The following ULK4 variants were observed in gnomAD, a reference collection of about 807,000 sequenced individuals.
ULK4 encodes unc-51 like kinase 4.
A neutral mutation model predicts 160.6 loss-of-function variants in ULK4; 133 were observed. The observed-to-expected ratio is 0.83, with a 90% CI of 0.72 to 0.96. ULK4 has a LOEUF of 0.96. Ranked by LOEUF, ULK4 falls within the 40% of genes least tolerant of loss-of-function variation. ULK4 has a pLI of 0.00. For synonymous variants in ULK4, 534 were observed against 539.8 expected (o/e 0.99, Z 0.15); for missense variants, 1,580 against 1,499.5 (o/e 1.05, Z -0.89).
chr3:41,320,192 T>C lies in ULK4; in HGVS notation c.3679-70618A>G, dbSNP rs114127645. On this transcript the variant is annotated intron_variant, in intron 35 of 36. Transcript: ENST00000301831. ...CTTTGAGCTTCTGTTTCCCCAACTATAGATTTCTCAGGAGGATGAAGGGTA... is the reference window on the plus strand; with the variant it reads ...CTTTGAGCTTCTGTTTCCCCAACTACAGATTTCTCAGGAGGATGAAGGGTA... Among the ~76,000 whole-genome samples the C allele has an allele frequency of 4.8e-3, 728 of 152,206 alleles. 4 individuals are homozygous for C. The highest frequency in any genetic ancestry group is 0.017 in the African/African-American group (706 of 41,524).
chr3:41,940,392 T>TG (rs1699913920), intron 2 of ULK4, among the ~76,000 whole-genome samples: 1 of 152,190 alleles, frequency 6.6e-6, no homozygotes, highest in South Asian at 2.1e-4. Context: ...CCTCAGTGAT[T>TG]GGTTTTCTGA....
chr3:41,453,162 C>A lies in ULK4; in HGVS notation c.3492+2335G>T, dbSNP rs149188609. Among the ~76,000 whole-genome samples the A allele has an allele frequency of 6.5e-3, 988 of 152,108 alleles. 4 individuals carry two copies. The highest frequency in any genetic ancestry group is 0.014 in the Middle Eastern group (4 of 294). On this transcript the variant is annotated intron_variant, in intron 34 of 36. Coordinates refer to ENST00000301831, the MANE Select transcript of ULK4 (RefSeq NM_017886.4). ...GCACTGGTTAACAGTGGTGAAATTG[C>A]GTTTTTTTGTTTTTTGTTTTTTTGA...
intron 32 of ULK4, among the ~76,000 whole-genome samples, chr3:41,547,950 C>T (rs1019292518): frequency 6.6e-6 from 1 of 152,174 alleles, no homozygotes; most frequent in African/African-American, 2.4e-5. Flanking sequence ...TGCCTGCTGC[C>T]TGGGGATGCT....
chr3:41,648,717 T>C (rs1474863042), intron 30 of ULK4, among the ~76,000 whole-genome samples: 1 of 152,132 alleles, frequency 6.6e-6, no homozygotes, highest in Non-Finnish European at 1.5e-5. Flanking sequence ...TTAGGGAATG[T>C]TGAGGGAGGA....
intron 3 of ULK4, among the ~76,000 whole-genome samples, chr3:41,937,668 T>C (rs1699823960): frequency 6.6e-6 from 1 of 152,156 alleles, no homozygotes; most frequent in Non-Finnish European, 1.5e-5. Flanking sequence ...AGCTATAACT[T>C]GTTATCTCTA....
chr3:41,410,533 C>T (rs922826373), intron 34 of ULK4, among the ~76,000 whole-genome samples: 26 of 152,162 alleles, frequency 1.7e-4, no homozygotes, highest in Admixed American at 3.9e-4. Context: ...TGGGGAATGA[C>T]TTTTAATGAG....
At chr3:41,765,579 T>C (rs1225979493) in intron 21 of ULK4, among the ~76,000 whole-genome samples, 1 of 152,042 alleles carries the variant, frequency 6.6e-6, no homozygotes, top group African/African-American at 2.4e-5. Flanking sequence ...AGGAAAACTG[T>C]TGTGGAAAAG....
rs1276467972 is a variant in ULK4, at chr3:41,498,586, T to C, written c.3227-35333A>G. On this transcript the variant is annotated intron_variant, in intron 32 of 36. Coordinates refer to ENST00000301831, the MANE Select transcript of ULK4 (RefSeq NM_017886.4). ...CTTCTTCTTTTTTTTCTTTTTTTTT[T>C]TTTTGCTTTGTTTTTTGTTTTGTTT... Among the ~76,000 whole-genome samples the C allele has an allele frequency of 6.6e-5, 10 of 151,728 alleles. No homozygotes were observed. The South Asian group carries it at 8.3e-4, about 13-fold the overall frequency.
intron 18 of ULK4, among the ~76,000 whole-genome samples, chr3:41,829,702 T>C (rs2041501724): frequency 6.6e-6 from 1 of 152,108 alleles, no homozygotes; most frequent in Non-Finnish European, 1.5e-5. Context: ...TTGGTGGGAC[T>C]GTAAACTAGT....
At chr3:41,710,268 G>A (rs1042619887) in intron 25 of ULK4, among the ~76,000 whole-genome samples, 3 of 151,662 alleles carry the variant, frequency 2.0e-5, no homozygotes, top group Non-Finnish European at 4.4e-5. Context: ...AATATTTTTT[G>A]ATATATTTCT....
In ULK4 at chr3:41,558,766, G is replaced by A. The variant is rs149658801; in HGVS notation, c.3226+7259C>T. On this transcript the variant is annotated intron_variant, in intron 32 of 36. Transcript: ENST00000301831. ...AATAGAACTCTAAATTCTTCGGTGG[G>A]CGGGGGGAAATTAGAACAGTGACTT... 5.7e-3 allele frequency among the ~76,000 whole-genome samples: 867 copies of A among 151,610 alleles called. 6 individuals are homozygous for A. The highest frequency in any genetic ancestry group is 0.014 in the Middle Eastern group (4 of 290).
At chr3:41,383,555 T>C (rs2081725197) in intron 35 of ULK4, among the ~76,000 whole-genome samples, 1 of 152,224 alleles carries the variant, frequency 6.6e-6, no homozygotes, top group African/African-American at 2.4e-5. Flanking sequence ...ACGGTTAAGT[T>C]GGTGATGGTC....
chr3:41,637,817 C>G (rs1320173639), intron 30 of ULK4, among the ~76,000 whole-genome samples: 6 of 152,164 alleles, frequency 3.9e-5, no homozygotes, highest in African/African-American at 7.2e-5. Flanking sequence ...CTTCATAGAT[C>G]TGTTGGTTAT....
At chr3:41,443,206 G>A (rs1281958660) in intron 34 of ULK4, among the ~76,000 whole-genome samples, 1 of 152,182 alleles carries the variant, frequency 6.6e-6, no homozygotes, top group Non-Finnish European at 1.5e-5. Flanking sequence ...TCAAATGGTA[G>A]TAGTTTCAAT....
At chr3:41,651,534 T>C (rs1216622725) in intron 30 of ULK4, among the ~76,000 whole-genome samples, 1 of 152,210 alleles carries the variant, frequency 6.6e-6, no homozygotes, top group Non-Finnish European at 1.5e-5. Flanking sequence ...TCAGTGAATA[T>C]AACTAGTTGT....
intron 29 of ULK4, 98 bp downstream of exon 29, chr3:41,681,410 G>C: frequency 6.6e-7 from 1 of 1,510,434 alleles, no homozygotes; most frequent in Non-Finnish European, 9.0e-7. Context: ...ATAAACATAA[G>C]GACATCAAGA....
intron 32 of ULK4, among the ~76,000 whole-genome samples, chr3:41,525,009 T>A (rs2086064979): frequency 6.6e-6 from 1 of 152,000 alleles, no homozygotes; most frequent in Admixed American, 6.6e-5. Flanking sequence ...ATAAAGACGG[T>A]TAACCAAACT....
chr3:41,646,925 C>G (rs1488797928), intron 30 of ULK4, among the ~76,000 whole-genome samples: 1 of 152,178 alleles, frequency 6.6e-6, no homozygotes, highest in Admixed American at 6.5e-5. Context: ...CTTCCCTTCT[C>G]GCTTCATTTC....
intron 32 of ULK4, among the ~76,000 whole-genome samples, chr3:41,500,730 G>A (rs1217666931): frequency 6.6e-6 from 1 of 152,148 alleles, no homozygotes; most frequent in Non-Finnish European, 1.5e-5. Context: ...GGAGATTACA[G>A]TTGAACCCTG....
Sources: gnomAD v4.1 joint callset for allele counts (sites outside exome capture counted in the v4.1 genomes callset) on GRCh38, gnomAD v4.1.1 for gene constraint, MANE v1.5 for transcripts, NCBI Gene and HGNC (gene_info 2026-07-23, HGNC 2026-07-21) for gene names.